L2HGDH: variants seen among roughly 807,000 people sequenced by gnomAD.
The protein encoded by L2HGDH is L-2-hydroxyglutarate dehydrogenase, mitochondrial.
A neutral mutation model predicts 51.5 loss-of-function variants in L2HGDH; 34 were observed. The observed-to-expected ratio is 0.66, with a 90% CI of 0.50 to 0.88. L2HGDH has a LOEUF of 0.88. Among genes scored for constraint, L2HGDH ranks in the 40% least tolerant of loss-of-function variants. The pLI is 0.00. For synonymous variants in L2HGDH, 198 were observed against 197.9 expected, an observed-to-expected ratio of 1.00 and a Z score of -0.01; for missense variants, 558 against 571.9, an observed-to-expected ratio of 0.98 and a Z score of 0.25.
rs760926122 is a variant in L2HGDH at position 50,278,543 on chromosome 14, G to T, written c.715C>A (p.Pro239Thr). 1.4e-6 allele frequency: 2 copies of T among 1,473,006 alleles called. No individual in the cohort carries two copies. Among genetic ancestry groups the T allele is most frequent in the Non-Finnish European group, 1.9e-6 (2 of 1,061,786 alleles). The allele number at this position is 1,473,006 out of a possible 1,614,324, so 91.2% of individuals were successfully genotyped here. A position where few individuals can be genotyped will look rare whatever the true frequency, so the allele number is the denominator to read the frequency against. ...PSRSIDGMQY[P>T]IVIKNTKGEE... ...ACCTTTGTATTCTTTATAACAATTG[G>T]ATATTGCATTCCTGAAAAAAAAGAA... The change falls in exon 6 of 10, where the codon CCA becomes ACA. Residue 239 changes from proline to threonine, a missense_variant. By Grantham distance (38) the Pro-to-Thr change is conservative. Transcript: ENST00000267436.
chr14:50,293,813 A>C (rs1044130500), intron 4 of L2HGDH, among the ~76,000 whole-genome samples: 1 of 152,162 alleles, frequency 6.6e-6, no homozygotes, highest in Non-Finnish European at 1.5e-5. Flanking sequence ...CTCATCTCTT[A>C]TATTTCCCTA....
chr14:50,291,535 G>A (rs17122357), intron 4 of L2HGDH, among the ~76,000 whole-genome samples: 4,202 of 152,218 alleles, frequency 0.028, 199 homozygotes, highest in African/African-American at 0.094. Flanking sequence ...TGGCTTGCTG[G>A]AGACGAAGAT....
chr14:50,249,900 T>G (rs1295495333), intron 9 of L2HGDH, among the ~76,000 whole-genome samples: 1 of 121,408 alleles, frequency 8.2e-6, no homozygotes, highest in Non-Finnish European at 1.7e-5. Flanking sequence ...TTTTTTTTTT[T>G]TTTTTTTTTT....
chr14:50,301,804 C>T (rs912937322), intron 3 of L2HGDH, among the ~76,000 whole-genome samples: 13 of 151,738 alleles, frequency 8.6e-5, no homozygotes, highest in East Asian at 1.9e-4. Flanking sequence ...TTTAAAAGGG[C>T]GAATTGTATG....
chr14:50,283,495 A>AT (rs1357220448), intron 5 of L2HGDH, among the ~76,000 whole-genome samples: 1 of 152,052 alleles, frequency 6.6e-6, no homozygotes, highest in East Asian at 1.9e-4. Context: ...AAATATCCCA[A>AT]TTAAAAAAAA....
intron 9 of L2HGDH, among the ~76,000 whole-genome samples, chr14:50,251,188 G>T (rs564923961): frequency 2.9e-4 from 44 of 151,482 alleles, no homozygotes; most frequent in African/African-American, 1.1e-3. Flanking sequence ...TAATTAAAAA[G>T]AATTAAACAG....
intron 1 of L2HGDH, among the ~76,000 whole-genome samples, chr14:50,305,176 C>T (rs1262569902): frequency 6.6e-6 from 1 of 152,142 alleles, no homozygotes; most frequent in East Asian, 1.9e-4. Context: ...GGATAAAGTT[C>T]CCTCTGTCAG....
At position 50,280,030 on chromosome 14, in the gene L2HGDH, A is replaced by C. The variant is rs1890175690; in HGVS notation, c.704-1476T>G. ...AGCCAAGATCGTGCCATTGCACTCC[A>C]GCCTGGGCAATAGGGTGAGACTCCG... On this transcript the variant is annotated intron_variant, in intron 5 of 9. Coordinates refer to ENST00000267436, the MANE Select transcript of L2HGDH (RefSeq NM_024884.3). 1.3e-5 allele frequency among the ~76,000 whole-genome samples: 2 copies of C among 150,866 alleles called. 1 individual carries two copies. The highest frequency in any genetic ancestry group is 4.9e-5 in the African/African-American group (2 of 41,138).
At chr14:50,278,168 C>T (rs913888624) in intron 6 of L2HGDH, among the ~76,000 whole-genome samples, 2 of 152,180 alleles carry the variant, frequency 1.3e-5, no homozygotes, top group East Asian at 3.8e-4. Context: ...CAGTCCATCT[C>T]CCTCTGGACA....
chr14:50,276,320 T>C (rs1269094489), intron 6 of L2HGDH, among the ~76,000 whole-genome samples: 1 of 152,230 alleles, frequency 6.6e-6, no homozygotes, highest in Non-Finnish European at 1.5e-5. Context: ...AAGGAAATTA[T>C]AAATATTGGC....
At chr14:50,307,831 A>G (rs1001161239) in intron 1 of L2HGDH, among the ~76,000 whole-genome samples, 1 of 152,208 alleles carries the variant, frequency 6.6e-6, no homozygotes, top group Non-Finnish European at 1.5e-5. Flanking sequence ...AAAAACTAAC[A>G]CAAAATTTTT....
At chr14:50,289,493 A>T (rs567593662) in intron 4 of L2HGDH, among the ~76,000 whole-genome samples, 75 of 152,220 alleles carry the variant, frequency 4.9e-4, no homozygotes, top group Non-Finnish European at 9.3e-4. Context: ...TTAAAGATCT[A>T]ATTAGCTTTA....
In L2HGDH at chr14:50,259,985, CAGAGAGAGAG is replaced by C. The variant is rs34001223; in HGVS notation, c.1196+5363_1196+5372del. ...GGAGAAAGAAGGAGAGAGAAGAAGA[CAGAGAGAGAG>C]AGAGAGAGAGAGAGAGATTGATTGA... On this transcript the variant is annotated intron_variant, in intron 9 of 9. Coordinates refer to ENST00000267436, the MANE Select transcript of L2HGDH (RefSeq NM_024884.3). Among the ~76,000 whole-genome samples, 854 of 142,476 alleles carry C rather than the reference CAGAGAGAGAG, an allele frequency of 6.0e-3. 14 individuals carry two copies. Among genetic ancestry groups the C allele is most frequent in the African/African-American group, 0.021 (783 of 38,088 alleles). The allele number at this position is 142,476 out of a possible 152,430, so 93.5% of individuals were successfully genotyped here.
intron 3 of L2HGDH, among the ~76,000 whole-genome samples, chr14:50,301,007 G>C (rs2030377740): frequency 6.6e-6 from 1 of 152,026 alleles, no homozygotes; most frequent in African/African-American, 2.4e-5. Flanking sequence ...TAAATTTTTT[G>C]TAGAGATAGG....
chr14:50,270,650 GCGCCCGCCACCA>G (rs1889625056), intron 6 of L2HGDH, among the ~76,000 whole-genome samples: 1 of 152,122 alleles, frequency 6.6e-6, no homozygotes, highest in Non-Finnish European at 1.5e-5. Context: ...GGAACTACAG[GCGCCCGCCACCA>G]CGCCCGGCTA....
chr14:50,302,855 G>T, intron 2 of L2HGDH, 47 bp downstream of exon 2: 1 of 1,194,384 alleles, frequency 8.4e-7, no homozygotes, highest in Non-Finnish European at 1.3e-6. Flanking sequence ...GACAAAATGA[G>T]CAGATGCCCA....
intron 4 of L2HGDH, chr14:50,287,156 A>G: frequency 1.0e-6 from 1 of 980,932 alleles, no homozygotes; most frequent in Non-Finnish European, 1.2e-6. Context: ...CTATGCACAC[A>G]TATCTCACTG....
intron 9 of L2HGDH, among the ~76,000 whole-genome samples, chr14:50,259,985 CA>C (rs1888922512): frequency 7.0e-6 from 1 of 142,370 alleles, no homozygotes; most frequent in Non-Finnish European, 1.5e-5. Context: ...GAGAAGAAGA[CA>C]GAGAGAGAGA....
chr14:50,247,277 C>T (rs762530726), intron 9 of L2HGDH, 24 bp from the exon 10 acceptor site: 1 of 1,607,248 alleles, frequency 6.2e-7, no homozygotes, highest in Non-Finnish European at 8.5e-7. Context: ...AGATGGGAGT[C>T]AGCTGACTCA....
Sources: gnomAD v4.1 joint callset for allele counts (sites outside exome capture counted in the v4.1 genomes callset) on GRCh38, gnomAD v4.1.1 for gene constraint, MANE v1.5 for transcripts, NCBI Gene and HGNC (gene_info 2026-07-23, HGNC 2026-07-21) for gene names.